GPC6: variants seen among roughly 807,000 people sequenced by gnomAD.
GPC6 encodes glypican-6.
A neutral mutation model predicts 55.2 loss-of-function variants in GPC6; 14 were observed. That is an observed-to-expected ratio of 0.25 (90% CI 0.17 to 0.40). The LOEUF is 0.40. GPC6 is among the 10% of genes least tolerant of loss of function. The pLI is 1.00. For missense variants in GPC6, 641 were observed against 708.5 expected, an observed-to-expected ratio of 0.90 and a Z score of 1.08; for synonymous variants, 278 against 259.6, an observed-to-expected ratio of 1.07 and a Z score of -0.68.
At chr13:93,242,085 C>T (rs977883309) in intron 1 of GPC6, among the ~76,000 whole-genome samples, 2 of 152,098 alleles carry the variant, frequency 1.3e-5, no homozygotes, top group East Asian at 1.9e-4. Flanking sequence ...TACTTTTTTC[C>T]CCAGTATTTT....
intron 4 of GPC6, among the ~76,000 whole-genome samples, chr13:94,266,092 T>C (rs2139055448): frequency 6.6e-6 from 1 of 152,222 alleles, no homozygotes; most frequent in Non-Finnish European, 1.5e-5. Context: ...TCACCTGCAG[T>C]TGTTATACTT....
At chr13:94,091,908 T>G (rs75488029) in intron 4 of GPC6, among the ~76,000 whole-genome samples, 8 of 148,502 alleles carry the variant, frequency 5.4e-5, no homozygotes, top group East Asian at 2.0e-4. Context: ...GTGTGTGTGT[T>G]TGTGTGTGTG....
chr13:94,253,043 C>T (rs902587379), intron 4 of GPC6, among the ~76,000 whole-genome samples: 6 of 151,820 alleles, frequency 4.0e-5, no homozygotes, highest in African/African-American at 1.5e-4. Flanking sequence ...CCAAGAAGCT[C>T]AAGGGAATTC....
intron 1 of GPC6, among the ~76,000 whole-genome samples, chr13:93,331,149 A>G (rs1415600439): frequency 1.3e-5 from 2 of 152,142 alleles, no homozygotes; most frequent in Non-Finnish European, 2.9e-5. Context: ...TCTGCTAATG[A>G]TAAGAGGTGT....
Position 94,380,027 on chromosome 13 carries a change from G to T in GPC6, c.1153-2387G>T, listed in dbSNP as rs548055176. Reference sequence around the variant, plus strand: ...TTGAGAATAATTTAAAGAATGAGTAGTGCAACATCCACCATTAAATTCTGC... The same window carrying T: ...TTGAGAATAATTTAAAGAATGAGTATTGCAACATCCACCATTAAATTCTGC... On this transcript the variant is annotated intron_variant, in intron 6 of 8. Transcript: ENST00000377047. Among the ~76,000 whole-genome samples, 25 of 152,276 alleles carry T rather than the reference G, an allele frequency of 1.6e-4. 1 individual carries two copies. The East Asian group carries it at 2.5e-3, about 15-fold the overall frequency.
At chr13:93,573,351 G>A (rs1190129218) in intron 2 of GPC6, among the ~76,000 whole-genome samples, 1 of 151,976 alleles carries the variant, frequency 6.6e-6, no homozygotes, top group Admixed American at 6.6e-5. Flanking sequence ...CATGAGACAG[G>A]CCCTCTTTCA....
chr13:94,178,363 A>G (rs1485194803), intron 4 of GPC6, among the ~76,000 whole-genome samples: 1 of 152,206 alleles, frequency 6.6e-6, no homozygotes, highest in African/African-American at 2.4e-5. Context: ...GCATAATAAT[A>G]TAAAGTATGG....
chr13:93,546,623 G>A (rs1220032710), intron 2 of GPC6, among the ~76,000 whole-genome samples: 1 of 152,174 alleles, frequency 6.6e-6, no homozygotes, highest in Non-Finnish European at 1.5e-5. Flanking sequence ...TAGCGGTGAT[G>A]CTGTGAATGT....
intron 2 of GPC6, among the ~76,000 whole-genome samples, chr13:93,679,930 G>A (rs1434089374): frequency 6.6e-6 from 1 of 152,060 alleles, no homozygotes; most frequent in African/African-American, 2.4e-5. Context: ...CCTCAGTGCA[G>A]ACATTTCAAG....
At chr13:93,790,974 AT>A (rs1886013472) in intron 2 of GPC6, among the ~76,000 whole-genome samples, 1 of 152,224 alleles carries the variant, frequency 6.6e-6, no homozygotes, top group Non-Finnish European at 1.5e-5. Flanking sequence ...GAATCATGCT[AT>A]TTCAGAGGAC....
chr13:93,383,913 T>C (rs1441417290), intron 1 of GPC6, among the ~76,000 whole-genome samples: 1 of 152,078 alleles, frequency 6.6e-6, no homozygotes, highest in Non-Finnish European at 1.5e-5. Context: ...TAAACTATAT[T>C]TATATTTAAC....
chr13:94,031,265 T>C (rs2138725721), intron 4 of GPC6, among the ~76,000 whole-genome samples: 1 of 152,312 alleles, frequency 6.6e-6, no homozygotes, highest in Middle Eastern at 3.4e-3. Context: ...AGAAACTCCA[T>C]TTTTACATGA....
At chr13:94,351,962 C>CAAAAAAAAAAAAAAAAA (rs60206836) in intron 6 of GPC6, among the ~76,000 whole-genome samples, 1 of 101,542 alleles carries the variant, frequency 9.8e-6, no homozygotes, top group Non-Finnish European at 1.9e-5. Context: ...GAGAAGAAGG[C>CAAAAAAAAAAAAAAAAA]AAAAAAAAAA....
intron 6 of GPC6, among the ~76,000 whole-genome samples, chr13:94,321,653 T>C (rs1876833681): frequency 6.6e-6 from 1 of 152,220 alleles, no homozygotes; most frequent in African/African-American, 2.4e-5. Flanking sequence ...CTGTTTCTGA[T>C]AAATATTCTA....
intron 4 of GPC6, among the ~76,000 whole-genome samples, chr13:94,061,789 TG>T (rs1253267894): frequency 2.7e-5 from 4 of 145,974 alleles, no homozygotes; most frequent in Non-Finnish European, 6.0e-5. Flanking sequence ...GAGTCAGCCC[TG>T]GGGGAAAAAA....
At chr13:93,292,557 T>G (rs922147725) in intron 1 of GPC6, among the ~76,000 whole-genome samples, 8 of 152,184 alleles carry the variant, frequency 5.3e-5, no homozygotes, top group Non-Finnish European at 1.0e-4. Flanking sequence ...AGATATTACA[T>G]GCTTGTATAT....
intron 3 of GPC6, among the ~76,000 whole-genome samples, chr13:93,857,297 A>G (rs1888652268): frequency 6.6e-6 from 1 of 151,680 alleles, no homozygotes; most frequent in South Asian, 2.1e-4. Context: ...GAGATGACAA[A>G]CCATAAAAAT....
intron 1 of GPC6, among the ~76,000 whole-genome samples, chr13:93,241,657 A>G (rs564548217): frequency 6.6e-6 from 1 of 152,124 alleles, no homozygotes; most frequent in Non-Finnish European, 1.5e-5. Context: ...TTTATCTGGT[A>G]TTTCCAAGAT....
chr13:93,614,153 T>C (rs1330777394), intron 2 of GPC6, among the ~76,000 whole-genome samples: 2 of 152,226 alleles, frequency 1.3e-5, no homozygotes, highest in African/African-American at 4.8e-5. Context: ...AAGCTCACTA[T>C]TCTCTACTAC....
Sources: allele counts gnomAD v4.1 joint callset (sites outside exome capture counted in the v4.1 genomes callset), GRCh38; gene constraint gnomAD v4.1.1; transcripts MANE v1.5; gene names NCBI Gene and HGNC (gene_info 2026-07-23, HGNC 2026-07-21).